Variants in NOL10 observed in about 807,000 individuals in gnomAD.
NOL10 encodes the protein H_NH0074G24.1.
NOL10 carries 58 observed loss-of-function variants against 103.5 expected under a neutral mutation model. The observed-to-expected ratio is 0.56, with a 90% CI of 0.45 to 0.70. NOL10 has a LOEUF of 0.70. Ranked by LOEUF, NOL10 falls within the 30% of genes least tolerant of loss-of-function variation. NOL10 has a pLI of 0.00. For synonymous variants in NOL10, 287 were observed against 282.5 expected (o/e 1.02, Z -0.16); for missense variants, 763 against 807.3 (o/e 0.95, Z 0.67).
At chr2:10,610,019 C>T (rs985890864) in intron 13 of NOL10, among the ~76,000 whole-genome samples, 6 of 152,068 alleles carry the variant, frequency 3.9e-5, no homozygotes, top group Non-Finnish European at 7.4e-5. Context: ...GGGTCCTCTC[C>T]GGCAAAAGTA....
chr2:10,597,892 T>A (rs6432110), intron 17 of NOL10, among the ~76,000 whole-genome samples: 90,030 of 152,126 alleles, frequency 0.59, 27,656 homozygotes, highest in African/African-American at 0.74. Context: ...AGCTTGGTAA[T>A]TCTTTACAGG....
rs188793756 is a variant in NOL10 at position 10,573,352 on chromosome 2, C to T, written c.1948-1162G>A. On this transcript the variant is annotated intron_variant, in intron 20 of 20. Coordinates refer to ENST00000381685, the MANE Select transcript of NOL10 (RefSeq NM_024894.4). ...GGGACTACAGGCACCCGCCACCACG[C>T]CCGGCTAATTTTTGTATTTTTAGTA... Among the ~76,000 whole-genome samples, 31 of 152,280 alleles carry T rather than the reference C, an allele frequency of 2.0e-4. No individual in the cohort carries two copies. The East Asian group carries it at 3.5e-3, about 17-fold the overall frequency.
rs551627744 is a variant in NOL10, at chr2:10,637,418, C to T, written c.1026+6902G>A. 6.6e-4 allele frequency among the ~76,000 whole-genome samples: 100 copies of T among 152,228 alleles called. 1 individual carries two copies. In the South Asian group the frequency reaches 0.02, roughly 31 times the overall value. On this transcript the variant is annotated intron_variant, in intron 13 of 20. Transcript: ENST00000381685. The stretch of plus-strand genomic sequence containing the variant: ...ATTTCAAAAGCATCTCCCTGACAAC[C>T]CCTAAAATTCTGCAGCACCTACTGC...
chr2:10,586,668 CTCT>C (rs1356762226), intron 19 of NOL10, among the ~76,000 whole-genome samples: 2 of 152,086 alleles, frequency 1.3e-5, no homozygotes, highest in African/African-American at 2.4e-5. Flanking sequence ...CCAATCCCTC[CTCT>C]TCTTCCTCTT....
At chr2:10,622,303 T>C (rs934643020) in intron 13 of NOL10, among the ~76,000 whole-genome samples, 1 of 152,176 alleles carries the variant, frequency 6.6e-6, no homozygotes, top group Non-Finnish European at 1.5e-5. Flanking sequence ...CCTTTGAGAA[T>C]AGTATAAGGA....
At chr2:10,572,217 G>T in intron 20 of NOL10, 27 bp from the exon 21 acceptor site, 1 of 1,612,462 alleles carries the variant, frequency 6.2e-7, no homozygotes, top group Non-Finnish European at 8.5e-7. Context: ...AATGAGTAGA[G>T]GGAAAGAGAG....
At chr2:10,656,693 G>A (rs115260231) in intron 11 of NOL10, among the ~76,000 whole-genome samples, 1,662 of 152,308 alleles carry the variant, frequency 0.011, 21 homozygotes, top group African/African-American at 0.036. Flanking sequence ...CGGAATAGAC[G>A]GGCACTTGCG....
intron 11 of NOL10, among the ~76,000 whole-genome samples, chr2:10,657,177 G>C (rs931783459): frequency 8.6e-5 from 13 of 151,972 alleles, no homozygotes; most frequent in African/African-American, 3.1e-4. Flanking sequence ...AAATTAGCTG[G>C]GCATGGTGAC....
chr2:10,608,464 A>C (rs1676374851), intron 13 of NOL10, among the ~76,000 whole-genome samples: 1 of 152,148 alleles, frequency 6.6e-6, no homozygotes. Context: ...GCCAAAGGAA[A>C]CCTTGGCTCA....
intron 13 of NOL10, among the ~76,000 whole-genome samples, chr2:10,632,785 T>A (rs1329558325): frequency 6.6e-6 from 1 of 152,184 alleles, no homozygotes; most frequent in Non-Finnish European, 1.5e-5. Context: ...GGTTCCCTCA[T>A]TTAATTTACA....
rs571700083 is a variant in NOL10 at position 10,617,821 on chromosome 2, C to T, written c.1027-10510G>A. On this transcript the variant is annotated intron_variant, in intron 13 of 20. Coordinates refer to ENST00000381685, the MANE Select transcript of NOL10 (RefSeq NM_024894.4). ...GTACTGAGACATGGTACAACATGGA[C>T]GGGCCGGGAAACATGCTGAAGAAAA... Among the ~76,000 whole-genome samples, 11 of 152,210 alleles carry T rather than the reference C, an allele frequency of 7.2e-5. No individual in the cohort carries two copies. The East Asian group carries it at 1.9e-3, about 27-fold the overall frequency.
intron 3 of NOL10, among the ~76,000 whole-genome samples, chr2:10,680,447 C>T (rs116212258): frequency 0.034 from 5,163 of 151,186 alleles, 175 homozygotes; most frequent in African/African-American, 0.083. Flanking sequence ...GAATAGAGGA[C>T]GATTTCATAA....
intron 17 of NOL10, among the ~76,000 whole-genome samples, chr2:10,596,267 G>A (rs1286123960): frequency 5.6e-4 from 63 of 112,762 alleles, no homozygotes; most frequent in Admixed American, 8.8e-4. Flanking sequence ...GGGGGGCGGG[G>A]GGCGGGCGCG....
In NOL10 at chr2:10,589,595, G is replaced by A. The variant is rs77305277; in HGVS notation, c.1579C>T (p.Gln527Ter). The A allele has an allele frequency of 1.3e-6, 2 of 1,568,952 alleles. No homozygotes were observed. Among genetic ancestry groups the A allele is most frequent in the Admixed American group, 2.1e-5 (1 of 48,208 alleles). Residue 527 changes from glutamine to a stop codon, truncating the protein, a stop_gained, in exon 18 of 21, where the codon CAA becomes TAA. Coordinates refer to ENST00000381685, the MANE Select transcript of NOL10 (RefSeq NM_024894.4). LOFTEE classifies it high-confidence loss of function. ...TACATTACTTTTTCACGAAGTTCTT[G>A]TTGCTCTAAGAGTCTTAGTTTCTTC... The part of the protein sequence containing the change: ...RKKKLRLLEQ[Q>*]ELREKEEEEE...
chr2:10,592,776 G>A lies in NOL10; in HGVS notation c.1423-3025C>T, dbSNP rs146101976. 4.0e-3 allele frequency among the ~76,000 whole-genome samples: 601 copies of A among 152,090 alleles called. 9 individuals are homozygous for A. Among genetic ancestry groups the A allele is most frequent in the African/African-American group, 0.013 (559 of 41,478 alleles). Reference sequence around the variant, plus strand: ...CATTGCCTAAAGACAAGTATGCTTTGGATGAACAACTATAAAATAAAACCT... The same window carrying A: ...CATTGCCTAAAGACAAGTATGCTTTAGATGAACAACTATAAAATAAAACCT... On this transcript the variant is annotated intron_variant, in intron 17 of 20. Transcript: ENST00000381685.
At chr2:10,579,290 GACTA>G (rs149854511) in intron 19 of NOL10, among the ~76,000 whole-genome samples, 326 of 152,266 alleles carry the variant, frequency 2.1e-3, no homozygotes, top group Non-Finnish European at 3.5e-3. Flanking sequence ...GTTATTTATA[GACTA>G]ACTAATTAAT....
At chr2:10,686,995 A>T (rs538556188) in intron 1 of NOL10, among the ~76,000 whole-genome samples, 23 of 152,238 alleles carry the variant, frequency 1.5e-4, no homozygotes, top group Non-Finnish European at 2.9e-4. Flanking sequence ...TGTGATAGTT[A>T]TCGATATGCA....
At chr2:10,587,100 CAT>C (rs1162260152) in intron 19 of NOL10, among the ~76,000 whole-genome samples, 762 of 33,166 alleles carry the variant, frequency 0.023, 227 homozygotes, top group African/African-American at 0.1. Context: ...TATATATACA[CAT>C]ATATATACAT....
At chr2:10,689,750 A>G (rs1225556933) in intron 1 of NOL10, 46 bp downstream of exon 1, 1 of 1,546,432 alleles carries the variant, frequency 6.5e-7, no homozygotes, top group South Asian at 1.2e-5. Flanking sequence ...CACGAGGAGG[A>G]CGACCCCCAA....
Sources: gnomAD v4.1 joint callset for allele counts (sites outside exome capture counted in the v4.1 genomes callset) on GRCh38, gnomAD v4.1.1 for gene constraint, MANE v1.5 for transcripts, NCBI Gene and HGNC (gene_info 2026-07-23, HGNC 2026-07-21) for gene names.